The following NEXMIF variants were observed in gnomAD, a reference collection of about 807,000 sequenced individuals.
The protein encoded by NEXMIF is XLMR protein related to neurite extension.
NEXMIF carries 8 observed loss-of-function variants against 62.1 expected under a neutral mutation model. That is an observed-to-expected ratio of 0.13 (90% CI 0.08 to 0.23). The LOEUF (loss-of-function observed/expected upper bound fraction) is 0.23. Among genes scored for constraint, NEXMIF ranks in the 10% least tolerant of loss-of-function variants. NEXMIF has a pLI of 1.00. For missense variants in NEXMIF, 976 were observed against 1,113.3 expected, an observed-to-expected ratio of 0.88 and a Z score of 1.75; for synonymous variants, 404 against 416.6, an observed-to-expected ratio of 0.97 and a Z score of 0.37.
At position 74,734,547 on chromosome X, in the gene NEXMIF, C is replaced by T. The variant is rs908757686; in HGVS notation, c.*4858G>A. On this transcript the variant is annotated 3_prime_UTR_variant, in exon 4 of 4. Transcript: ENST00000055682. ...CTTCTTTTTGAAATGGGATGTCATT[C>T]TGAGACTCAGAAACCCCTGAGCTTG... 3.6e-5 allele frequency: 4 copies of T among 112,131 alleles called. No individual in the cohort carries two copies. The East Asian group carries it at 1.1e-3, about 31-fold the overall frequency. The allele number at this position is 112,131 out of a possible 1,213,427, so 9.2% of individuals were successfully genotyped here.
At chrX:74,839,345 C>T (rs1442845118) in intron 1 of NEXMIF, among the ~76,000 whole-genome samples, 2 of 111,887 alleles carry the variant, frequency 1.8e-5, no homozygotes, top group Admixed American at 1.9e-4. Context: ...CATACTCTTC[C>T]TTAGGTGGTA....
chrX:74,882,558 C>A (rs1046511973), intron 1 of NEXMIF, among the ~76,000 whole-genome samples: 2 of 111,756 alleles, frequency 1.8e-5, no homozygotes, highest in African/African-American at 6.5e-5. Context: ...GCTAGCACAG[C>A]AGTCTGAGAT....
chrX:74,777,447 T>C lies in NEXMIF; in HGVS notation c.-47-31750A>G, dbSNP rs189066439. ...TCATCTTTTCTTTGTGTTGGGAACA[T>C]TACAATTTTTCTCTTCTAGATATTT... On this transcript the variant is annotated intron_variant, in intron 1 of 3. Transcript: ENST00000055682. 1.3e-4 allele frequency among the ~76,000 whole-genome samples: 15 copies of C among 111,823 alleles called. No individual in the cohort carries two copies. The East Asian group carries it at 4.2e-3, about 32-fold the overall frequency.
chrX:74,810,652 G>A (rs1031857561), intron 1 of NEXMIF, among the ~76,000 whole-genome samples: 7 of 107,097 alleles, frequency 6.5e-5, no homozygotes, highest in Non-Finnish European at 9.7e-5. Flanking sequence ...AAAAAAAAAG[G>A]AAATCTGTCT....
At chrX:74,770,155 C>G (rs1175237325) in intron 1 of NEXMIF, among the ~76,000 whole-genome samples, 1 of 111,989 alleles carries the variant, frequency 8.9e-6, no homozygotes, top group African/African-American at 3.2e-5. Context: ...CTTTGTATGA[C>G]CTTTTCTGGC....
chrX:74,756,161 C>T lies in NEXMIF; in HGVS notation c.-47-10464G>A, dbSNP rs181580686. On this transcript the variant is annotated intron_variant, in intron 1 of 3. Coordinates refer to ENST00000055682, the MANE Select transcript of NEXMIF (RefSeq NM_001008537.3). ...GTATTTTTGTAGAGACGGGGTTTCACCATGTTGGTCAGGCTGGTCTCCAAC... is the reference window on the plus strand; with the variant it reads ...GTATTTTTGTAGAGACGGGGTTTCATCATGTTGGTCAGGCTGGTCTCCAAC... Among the ~76,000 whole-genome samples the T allele has an allele frequency of 5.4e-5, 6 of 111,464 alleles. No individual in the cohort carries two copies. In the East Asian group the frequency reaches 1.1e-3, roughly 21 times the overall value.
chrX:74,875,711 G>T (rs1245804424), intron 1 of NEXMIF, among the ~76,000 whole-genome samples: 1 of 111,725 alleles, frequency 9.0e-6, no homozygotes, highest in Non-Finnish European at 1.9e-5. Flanking sequence ...CTTCTTCCTG[G>T]TTTAGTCTTG....
In NEXMIF at chrX:74,881,391, T is replaced by C. The variant is rs761152526; in HGVS notation, c.-48+43492A>G. ...TCCAACACACACACACACATACACA[T>C]GCACACACACACACACACACACACA... On this transcript the variant is annotated intron_variant, in intron 1 of 3. Transcript: ENST00000055682. 1.6e-3 allele frequency among the ~76,000 whole-genome samples: 42 copies of C among 26,348 alleles called. No homozygotes were observed. In the African/African-American group the frequency reaches 0.017, roughly 11 times the overall value. The allele number at this position is 26,348 out of a possible 115,157, so 22.9% of individuals were successfully genotyped here.
intron 1 of NEXMIF, among the ~76,000 whole-genome samples, chrX:74,898,669 A>C (rs1396906066): frequency 8.9e-6 from 1 of 111,872 alleles, no homozygotes; most frequent in Non-Finnish European, 1.9e-5. Context: ...ATTATCATTA[A>C]AATAATTCTG....
chrX:74,791,380 A>G (rs1177948867), intron 1 of NEXMIF, among the ~76,000 whole-genome samples: 3 of 111,492 alleles, frequency 2.7e-5, no homozygotes, highest in African/African-American at 9.8e-5. Context: ...TCGGTTTGCC[A>G]GTATTTTATT....
At chrX:74,905,824 C>CA (rs1280695732) in intron 1 of NEXMIF, among the ~76,000 whole-genome samples, 42 of 109,247 alleles carry the variant, frequency 3.8e-4, no homozygotes, top group East Asian at 2.5e-3. Flanking sequence ...AAAAACAAAA[C>CA]AAAACAAAAA....
chrX:74,886,345 G>C (rs1053370149), intron 1 of NEXMIF, among the ~76,000 whole-genome samples: 137 of 111,758 alleles, frequency 1.2e-3, no homozygotes, highest in Non-Finnish European at 2.1e-3. Context: ...ATTAGGAAAA[G>C]AGGAAGTCAA....
At chrX:74,895,758 G>C (rs1361469536) in intron 1 of NEXMIF, among the ~76,000 whole-genome samples, 1 of 107,954 alleles carries the variant, frequency 9.3e-6, no homozygotes, top group East Asian at 2.9e-4. Flanking sequence ...CATGAAGACA[G>C]AGAGTAGAAG....
At chrX:74,896,815 C>T (rs755545731) in intron 1 of NEXMIF, among the ~76,000 whole-genome samples, 1 of 111,925 alleles carries the variant, frequency 8.9e-6, no homozygotes, top group Non-Finnish European at 1.9e-5. Flanking sequence ...ATTAGCCACA[C>T]CTCAGCACCT....
intron 1 of NEXMIF, among the ~76,000 whole-genome samples, chrX:74,870,097 G>A (rs1480254104): frequency 9.0e-6 from 1 of 111,172 alleles, no homozygotes; most frequent in African/African-American, 3.3e-5. Flanking sequence ...GTAACCAAAA[G>A]AGCACTGTAT....
chrX:74,859,683 T>C (rs780416134), intron 1 of NEXMIF, among the ~76,000 whole-genome samples: 14 of 111,301 alleles, frequency 1.3e-4, no homozygotes, highest in African/African-American at 4.2e-4. Flanking sequence ...CAATCAAAGA[T>C]AATAACTACA....
chrX:74,884,229 T>G (rs1396984272), intron 1 of NEXMIF, among the ~76,000 whole-genome samples: 1 of 111,909 alleles, frequency 8.9e-6, no homozygotes, highest in Non-Finnish European at 1.9e-5. Context: ...AGGAAGAAAC[T>G]GCATCAACTA....
chrX:74,908,689 C>T (rs749523350), intron 1 of NEXMIF, among the ~76,000 whole-genome samples: 14 of 112,661 alleles, frequency 1.2e-4, no homozygotes, highest in Admixed American at 3.7e-4. Context: ...TGCACATGCA[C>T]GTGCACACAC....
intron 1 of NEXMIF, among the ~76,000 whole-genome samples, chrX:74,912,829 C>T (rs1222010816): frequency 9.0e-6 from 1 of 111,196 alleles, no homozygotes; most frequent in Non-Finnish European, 1.9e-5. Context: ...TGAAATGTGG[C>T]TGAATTCCAA....
Sources: gnomAD v4.1 joint callset for allele counts (sites outside exome capture counted in the v4.1 genomes callset) on GRCh38, gnomAD v4.1.1 for gene constraint, MANE v1.5 for transcripts, NCBI Gene and HGNC (gene_info 2026-07-23, HGNC 2026-07-21) for gene names.